The following NAALADL2 variants were observed in gnomAD, a reference collection of about 807,000 sequenced individuals.
NAALADL2 encodes the protein inactive N-acetylated-alpha-linked acidic dipeptidase-like protein 2.
A neutral mutation model predicts 87.2 loss-of-function variants in NAALADL2; 76 were observed. That is an observed-to-expected ratio of 0.87 (90% CI 0.72 to 1.05). The LOEUF (loss-of-function observed/expected upper bound fraction) is 1.05, where lower values mean the gene tolerates loss of function less well. Among genes scored for constraint, NAALADL2 ranks in the 50% least tolerant of loss-of-function variants. The pLI, the probability that NAALADL2 is intolerant of heterozygous loss-of-function variation, is 0.00. For synonymous variants in NAALADL2, 354 were observed against 331.0 expected (o/e 1.07, Z -0.75); for missense variants, 1,089 against 945.8 (o/e 1.15, Z -1.99).
At chr3:174,896,023 G>T (rs1014508387) in intron 1 of NAALADL2, among the ~76,000 whole-genome samples, 5 of 151,882 alleles carry the variant, frequency 3.3e-5, no homozygotes, top group African/African-American at 1.2e-4. Context: ...TAAAAAACTG[G>T]GTATAGAAGA....
intron 11 of NAALADL2, among the ~76,000 whole-genome samples, chr3:175,651,790 G>A (rs1205973149): frequency 2.6e-5 from 4 of 151,972 alleles, no homozygotes. Flanking sequence ...ACTTAATTTT[G>A]TATCAAATAT....
chr3:175,215,644 T>C (rs1742404271), intron 2 of NAALADL2, among the ~76,000 whole-genome samples: 1 of 152,138 alleles, frequency 6.6e-6, no homozygotes, highest in South Asian at 2.1e-4. Context: ...AACCACTGGA[T>C]AGAAAGTCAT....
rs181142711 is a variant in NAALADL2 at position 175,423,780 on chromosome 3, C to T, written c.1091-23449C>T. 1.4e-4 allele frequency among the ~76,000 whole-genome samples: 21 copies of T among 152,220 alleles called. No individual in the cohort carries two copies. The East Asian group carries it at 4.1e-3, about 29-fold the overall frequency. On this transcript the variant is annotated intron_variant, in intron 5 of 13. Coordinates refer to ENST00000454872, the MANE Select transcript of NAALADL2 (RefSeq NM_207015.3). The stretch of plus-strand genomic sequence containing the variant: ...ATTTATAATCCTTTGGGTATACACC[C>T]AGTAATGGGATTGGTGGGTCAAATG...
chr3:175,175,987 A>G (rs1050865412), intron 2 of NAALADL2, among the ~76,000 whole-genome samples: 17 of 152,190 alleles, frequency 1.1e-4, no homozygotes, highest in South Asian at 4.2e-4. Context: ...ATGATATGCT[A>G]TTCGTCTGGA....
intron 1 of NAALADL2, among the ~76,000 whole-genome samples, chr3:175,052,291 G>C (rs938225231): frequency 6.6e-6 from 1 of 152,162 alleles, no homozygotes; most frequent in Non-Finnish European, 1.5e-5. Context: ...AACCTTCCAG[G>C]TGGGTGTCAT....
chr3:175,409,223 G>A (rs921378462), intron 5 of NAALADL2, among the ~76,000 whole-genome samples: 7 of 151,332 alleles, frequency 4.6e-5, no homozygotes, highest in Non-Finnish European at 1.0e-4. Context: ...TATAGTTGTG[G>A]AGACATGGAG....
At position 175,447,576 on chromosome 3, in the gene NAALADL2, A is replaced by G. The variant is rs16825710; in HGVS notation, c.1234+204A>G. 4.5e-3 allele frequency among the ~76,000 whole-genome samples: 685 copies of G among 152,296 alleles called. 2 individuals carry two copies. Among genetic ancestry groups the G allele is most frequent in the Non-Finnish European group, 6.0e-3 (409 of 68,014 alleles). Reference sequence around the variant, plus strand: ...GAGACTGAGAGTTGACCAAAATGAGAGATTAGAAAAAGAAACCATTTTGAA... The same window carrying G: ...GAGACTGAGAGTTGACCAAAATGAGGGATTAGAAAAAGAAACCATTTTGAA... On this transcript the variant is annotated intron_variant, in intron 6 of 13. Transcript: ENST00000454872.
At chr3:175,427,057 CA>C (rs1275702756) in intron 5 of NAALADL2, among the ~76,000 whole-genome samples, 2 of 152,280 alleles carry the variant, frequency 1.3e-5, no homozygotes, top group East Asian at 3.9e-4. Context: ...TACTTCAGAG[CA>C]AAAGACTTCA....
chr3:174,631,500 T>C (rs764377683), intron 2 of NAALADL2, among the ~76,000 whole-genome samples: 1 of 152,230 alleles, frequency 6.6e-6, no homozygotes, highest in Admixed American at 6.5e-5. Flanking sequence ...TGTTAACTAA[T>C]CTTTGCTTGT....
intron 3 of NAALADL2, among the ~76,000 whole-genome samples, chr3:174,781,274 G>A (rs951378680): frequency 2.6e-5 from 4 of 151,732 alleles, no homozygotes; most frequent in Non-Finnish European, 5.9e-5. Context: ...TGCTCTTCTT[G>A]AGGAGTATCT....
chr3:174,665,772 G>A (rs112509899), intron 2 of NAALADL2, among the ~76,000 whole-genome samples: 2 of 152,294 alleles, frequency 1.3e-5, no homozygotes, highest in African/African-American at 4.8e-5. Context: ...ATATCTAAAA[G>A]TTGTTGGCAG....
chr3:174,447,592 C>T (rs1037149591), intron 1 of NAALADL2, among the ~76,000 whole-genome samples: 7 of 152,044 alleles, frequency 4.6e-5, no homozygotes, highest in African/African-American at 4.8e-5. Context: ...CCGAGGTGGG[C>T]GGATCACGAG....
intron 1 of NAALADL2, among the ~76,000 whole-genome samples, chr3:175,046,812 A>G (rs956911048): frequency 6.6e-6 from 1 of 152,160 alleles, no homozygotes; most frequent in Non-Finnish European, 1.5e-5. Flanking sequence ...TCTGAAAACC[A>G]TCATCCCTGC....
chr3:174,913,631 AAAAG>A (rs1413257557), intron 1 of NAALADL2, among the ~76,000 whole-genome samples: 4 of 152,144 alleles, frequency 2.6e-5, no homozygotes, highest in African/African-American at 9.7e-5. Context: ...CCTCTGGAAA[AAAAG>A]GGATAAATAA....
intron 13 of NAALADL2, among the ~76,000 whole-genome samples, chr3:175,779,705 A>T (rs1212487750): frequency 1.3e-5 from 2 of 152,216 alleles, no homozygotes; most frequent in Non-Finnish European, 2.9e-5. Flanking sequence ...TCTTGAAATG[A>T]AGAGTATGGT....
Position 175,737,392 on chromosome 3 carries a change from C to T in NAALADL2, c.1983C>T (p.Asn661=), listed in dbSNP as rs749577685. 53 of 1,589,448 alleles carry T rather than the reference C, an allele frequency of 3.3e-5. No individual in the cohort carries two copies. The South Asian group carries it at 5.7e-4, about 17-fold the overall frequency. ...ALDIALEVQN[N]LKGDQPNTHQ... is the part of the protein sequence containing the mutation. ...ATATAGCTTTAGAAGTTCAAAACAA[C>T]CTTAAAGGTAATTTTCCTTTGAATT... The change falls in exon 12 of 14, where the codon AAC becomes AAT. Residue 661 remains asparagine, a synonymous_variant. Transcript: ENST00000454872.
At chr3:175,564,480 G>A (rs996944832) in intron 9 of NAALADL2, among the ~76,000 whole-genome samples, 4 of 151,982 alleles carry the variant, frequency 2.6e-5, no homozygotes, top group African/African-American at 9.7e-5. Context: ...TTTAATGCCT[G>A]GCAGCTGGAA....
At chr3:175,792,111 A>C (rs1394878738) in intron 13 of NAALADL2, among the ~76,000 whole-genome samples, 7 of 152,214 alleles carry the variant, frequency 4.6e-5, no homozygotes, top group Admixed American at 4.6e-4. Flanking sequence ...CCATTTGTTT[A>C]CAAATTAAAA....
intron 5 of NAALADL2, among the ~76,000 whole-genome samples, chr3:175,358,254 T>A (rs1764601597): frequency 6.6e-6 from 1 of 152,128 alleles, no homozygotes; most frequent in Non-Finnish European, 1.5e-5. Flanking sequence ...CATGCAATCA[T>A]TTTCTTCTTA....
Sources: allele counts gnomAD v4.1 joint callset (sites outside exome capture counted in the v4.1 genomes callset), GRCh38; gene constraint gnomAD v4.1.1; transcripts MANE v1.5; gene names NCBI Gene and HGNC (gene_info 2026-07-23, HGNC 2026-07-21).